PLEC: variants seen among roughly 807,000 people sequenced by gnomAD.
PLEC encodes the protein hemidesmosomal protein 1.
PLEC carries 216 observed loss-of-function variants against 392.8 expected under a neutral mutation model. The observed-to-expected ratio is 0.55, with a 90% CI of 0.49 to 0.62. PLEC has a LOEUF of 0.62. Ranked by LOEUF, PLEC falls within the 20% of genes least tolerant of loss-of-function variation. The probability of loss-of-function intolerance (pLI) is 0.00; values close to 1 mark genes in which losing one functional copy is unlikely to be tolerated. For synonymous variants in PLEC, 3,621 were observed against 2,980.6 expected (o/e 1.21, Z -7.00); for missense variants, 6,863 against 6,563.4 (o/e 1.05, Z -1.58).
In PLEC at chr8:143,920,881, C is replaced by G. The variant is rs1554683320; in HGVS notation, c.8940G>C (p.Leu2980=). 1 of 1,611,308 alleles carries G rather than the reference C, an allele frequency of 6.2e-7. No homozygotes were observed. Among genetic ancestry groups the G allele is most frequent in the South Asian group, 1.1e-5 (1 of 91,070 alleles). The change falls in exon 32 of 32, where the codon CTG becomes CTC. Residue 2980 remains leucine, a synonymous_variant. Coordinates refer to ENST00000345136, the MANE Select transcript of PLEC (RefSeq NM_201384.3). ...TCTCCAGCAGCTCGGCGGCTGGCAC[C>G]AGGCTGCGCAGGCCCTCAAAGCAAA... ...GRLCFEGLRS[L]VPAAELLESR...
intron 1 of PLEC, among the ~76,000 whole-genome samples, chr8:143,968,647 C>G (rs1833249911): frequency 6.6e-6 from 1 of 151,470 alleles, no homozygotes; most frequent in African/African-American, 2.4e-5. Flanking sequence ...ATAAAGAACA[C>G]TTACAACTCA....
rs782042350 is a variant in PLEC at position 143,933,987 on chromosome 8, C to CCG, written c.1263+10_1263+11insCG. 2.8e-3 allele frequency: 4,479 copies of CCG among 1,605,410 alleles called. 113 individuals carry two copies. The African/African-American group carries it at 0.054, about 19-fold the overall frequency. On this transcript the variant is annotated intron_variant, in intron 12 of 31. Coordinates refer to ENST00000345136, the MANE Select transcript of PLEC (RefSeq NM_201384.3). The stretch of plus-strand genomic sequence containing the variant: ...TCCCTCCCGCCCACTGCCTGCCCCA[C>CCG]ACCCCCTCACCGACTGCAGCAGGGC...
upstream of PLEC, chr8:143,973,616 G>A: frequency 1.2e-6 from 1 of 811,318 alleles, no homozygotes; most frequent in Non-Finnish European, 1.5e-6. The surrounding 1 kb of genome is among the most constrained non-coding windows in gnomAD (Gnocchi z 5.6). Flanking sequence ...CCACGGGCGG[G>A]GCGGGGCCGG....
intron 30 of PLEC, among the ~76,000 whole-genome samples, chr8:143,926,161 G>C (rs1825114667): frequency 6.6e-6 from 1 of 152,206 alleles, no homozygotes; most frequent in South Asian, 2.1e-4. Context: ...GACGGGGAGA[G>C]AGAGAGCAAA....
intron 25 of PLEC, among the ~76,000 whole-genome samples, chr8:143,928,730 C>T (rs547658536): frequency 6.6e-6 from 1 of 152,304 alleles, no homozygotes; most frequent in South Asian, 2.1e-4. Flanking sequence ...AAATAAATGC[C>T]AGAGGCCCTT....
At chr8:143,943,778 C>T (rs372851346), upstream of PLEC, 95 of 1,610,922 alleles carry the variant, frequency 5.9e-5, no homozygotes, top group Admixed American at 1.6e-3. Flanking sequence ...GCGGGGCTTA[C>T]CTTGCTCGTC....
rs1820404554 is a variant in PLEC, at chr8:143,916,062, G to C, written c.*115C>G. On this transcript the variant is annotated 3_prime_UTR_variant, in exon 32 of 32. Transcript: ENST00000345136. ...TTAATATATTAGTCTGGTCTTTTTG[G>C]TTAAACTTTAGGCACCACTTGGGAG... 2 of 674,248 alleles carry C rather than the reference G, an allele frequency of 3.0e-6. No individual in the cohort carries two copies. The highest frequency in any genetic ancestry group is 4.8e-6 in the Non-Finnish European group (2 of 412,948). 41.8% of individuals were successfully genotyped at this position (674,248 alleles called of 1,614,324 possible).
At position 143,927,512 on chromosome 8, in the gene PLEC, G is replaced by A. The variant is rs967092215; in HGVS notation, c.3654C>T (p.Pro1218=). ...QLRYYRESAD[P]LGAWLQDARR... The stretch of plus-strand genomic sequence containing the variant: ...TGGCGTCCTGCAGCCAGGCGCCCAA[G>A]GGGTCTGCACTCTCGCGGTAGTAAC... The change falls in exon 27 of 32, where the codon CCC becomes CCT. Residue 1218 remains proline (P), a synonymous_variant. Transcript: ENST00000345136. The A allele has an allele frequency of 3.1e-6, 5 of 1,597,296 alleles. No homozygotes were observed. The highest frequency in any genetic ancestry group is 3.3e-5 in the Admixed American group (2 of 59,864).
chr8:143,973,503 G>C lies in PLEC; in HGVS notation c.-31C>G. 1.4e-6 allele frequency: 2 copies of C among 1,474,710 alleles called. No homozygotes were observed. Among genetic ancestry groups the C allele is most frequent in the African/African-American group, 1.5e-5 (1 of 67,468 alleles). The allele number at this position is 1,474,710 out of a possible 1,614,324, so 91.4% of individuals were successfully genotyped here. On this transcript the variant is annotated 5_prime_UTR_variant, in exon 1 of 32. Coordinates refer to the PLEC transcript ENST00000356346. This position sits in a 1 kb window ranked among gnomAD's most constrained non-coding sequence, Gnocchi z 5.6. The stretch of plus-strand genomic sequence containing the variant: ...CGGGCGCGGGGCGCGGGGTGCAGCG[G>C]AGCCTCCAGCACCCGGCGGCCACTC...
upstream of PLEC, among the ~76,000 whole-genome samples, chr8:143,974,394 G>A (rs563448087): frequency 6.6e-6 from 1 of 152,374 alleles, no homozygotes; most frequent in East Asian, 1.9e-4. This position sits in a 1 kb window ranked among gnomAD's most constrained non-coding sequence, Gnocchi z 5.9. Context: ...TTTCTTTAAA[G>A]TCCGTGTGTG....
rs1554670218 is a variant in PLEC at position 143,916,830 on chromosome 8, G to C, written c.12991C>G (p.Pro4331Ala). 6.2e-7 allele frequency: 1 copy of C among 1,612,796 alleles called. No homozygotes were observed. The highest frequency in any genetic ancestry group is 2.2e-5 in the East Asian group (1 of 44,796). Residue 4331 changes from proline (P) to alanine (A), a missense_variant, in exon 32 of 32, where the codon CCT (proline) becomes GCT (alanine). Physicochemically the swap from Pro to Ala is conservative, Grantham distance 27. Transcript: ENST00000345136. ...CCCTTGTTGACGGCGTCGGTGACAG[G>C]GAAGCGCTCACCGGTGCTGGGGTCG... ...IIDPSTGERF[P>A]VTDAVNKGLV...
chr8:143,955,814 G>A (rs1832557305), upstream of PLEC, among the ~76,000 whole-genome samples: 1 of 151,720 alleles, frequency 6.6e-6, no homozygotes, highest in Non-Finnish European at 1.5e-5. Context: ...TGCCCAGGCT[G>A]GTCTCAAACT....
At chr8:143,958,742 T>C (rs1390659273), upstream of PLEC, 8 of 415,114 alleles carry the variant, frequency 1.9e-5, no homozygotes, top group Non-Finnish European at 3.0e-5. This position sits in a 1 kb window ranked among gnomAD's most constrained non-coding sequence, Gnocchi z 4.9. Flanking sequence ...GTGGAGAGGC[T>C]TCTCACCTGA....
Position 143,922,493 on chromosome 8 carries a change from G to A in PLEC, c.7425+11C>T, listed in dbSNP as rs781788873. ...GGCCCACCCGCCCGTCGCACGTAGA[G>A]GGGGCGGTACCTCCTCAGACTTGAG... On this transcript the variant is annotated intron_variant, in intron 31 of 31. Coordinates refer to ENST00000345136, the MANE Select transcript of PLEC (RefSeq NM_201384.3). 1.9e-6 allele frequency: 3 copies of A among 1,606,740 alleles called. No homozygotes were observed. The highest frequency in any genetic ancestry group is 2.5e-6 in the Non-Finnish European group (3 of 1,179,930).
chr8:143,950,283 GACGGTAGACCCGCTGCTCCTCCGTCGGC>G lies in PLEC; in HGVS notation c.396_423del (p.Pro133GlyfsTer111). On this transcript the variant is annotated frameshift_variant, in exon 1 of 32. Transcript: ENST00000322810. LOFTEE classifies it high-confidence loss of function. ...GGTGACACCTCCTCAAGCTCCTTCCGACGGTAGACCCGCTGCTCCTCCGTCGGCAGCGGCCCCCGCTTGGGTGGGGAGC... is the reference window on the plus strand; with the variant it reads ...GGTGACACCTCCTCAAGCTCCTTCCGAGCGGCCCCCGCTTGGGTGGGGAGC... The G allele has an allele frequency of 6.4e-7, 1 of 1,570,712 alleles. No individual in the cohort carries two copies. The highest frequency in any genetic ancestry group is 8.6e-7 in the Non-Finnish European group (1 of 1,158,248).
At chr8:143,968,896 G>A (rs1434541188) in intron 1 of PLEC, among the ~76,000 whole-genome samples, 1 of 152,154 alleles carries the variant, frequency 6.6e-6, no homozygotes, top group African/African-American at 2.4e-5. Flanking sequence ...CCTCGCACCC[G>A]GCTGTTACTG....
chr8:143,931,879 C>G, intron 18 of PLEC, 58 bp downstream of exon 18: 1 of 1,501,622 alleles, frequency 6.7e-7, no homozygotes, highest in Non-Finnish European at 9.1e-7. Flanking sequence ...CGAGGGGGTC[C>G]AGGGGCTCCT....
upstream of PLEC, chr8:143,953,925 C>G (rs899666235): frequency 1.4e-6 from 2 of 1,424,364 alleles, no homozygotes; most frequent in African/African-American, 1.5e-5. Context: ...ATCAATGCGC[C>G]GGACAGGGCC....
chr8:143,959,130 G>T (rs899719100), intron 1 of PLEC, among the ~76,000 whole-genome samples: 1 of 152,196 alleles, frequency 6.6e-6, no homozygotes, highest in East Asian at 1.9e-4. Flanking sequence ...GGCGTGTGAG[G>T]GTGAATGCGG....
Sources: gnomAD v4.1 joint callset for allele counts (sites outside exome capture counted in the v4.1 genomes callset) on GRCh38, gnomAD v4.1.1 for gene constraint, Gnocchi (gnomAD v3.1) non-coding constraint, MANE v1.5 for transcripts, NCBI Gene and HGNC (gene_info 2026-07-23, HGNC 2026-07-21) for gene names.